UTRN: variants seen among roughly 807,000 people sequenced by gnomAD.
UTRN encodes the protein utrophin, also known as dystrophin-related protein 1.
A neutral mutation model predicts 463.9 loss-of-function variants in UTRN; 283 were observed. The observed-to-expected ratio is 0.61, with a 90% CI of 0.55 to 0.67. The LOEUF (loss-of-function observed/expected upper bound fraction) is 0.67, where lower values mean the gene tolerates loss of function less well. Among genes scored for constraint, UTRN ranks in the 30% least tolerant of loss-of-function variants. The pLI, the probability that UTRN is intolerant of heterozygous loss-of-function variation, is 0.00. For missense variants in UTRN, 3,922 were observed against 4,084.3 expected (o/e 0.96, Z 1.08); for synonymous variants, 1,442 against 1,431.5 (o/e 1.01, Z -0.17).
At chr6:144,550,865 A>C (rs1001085697) in intron 47 of UTRN, 100 bp from the exon 48 acceptor site, 4 of 991,982 alleles carry the variant, frequency 4.0e-6, no homozygotes, top group Non-Finnish European at 5.7e-6. Flanking sequence ...GCCATAGAGG[A>C]GGAAAACAAC....
Position 144,481,168 on chromosome 6 carries a change from A to T in UTRN, c.3508-1041A>T, listed in dbSNP as rs562719565. On this transcript the variant is annotated intron_variant, in intron 26 of 74. Coordinates refer to ENST00000367545, the MANE Select transcript of UTRN (RefSeq NM_007124.3). Reference sequence around the variant, plus strand: ...TTTATTCTTTCAAACAGCCATTAGGACTTACAAAACCACTACACTTAATTA... The same window carrying T: ...TTTATTCTTTCAAACAGCCATTAGGTCTTACAAAACCACTACACTTAATTA... 2.6e-5 allele frequency among the ~76,000 whole-genome samples: 4 copies of T among 152,336 alleles called. No individual in the cohort carries two copies. In the South Asian group the frequency reaches 8.3e-4, roughly 32 times the overall value.
chr6:144,618,494 T>C (rs901203048), intron 51 of UTRN, among the ~76,000 whole-genome samples: 2 of 152,160 alleles, frequency 1.3e-5, no homozygotes, highest in African/African-American at 4.8e-5. Flanking sequence ...GCTTATTTAT[T>C]AGGCATGCAC....
At chr6:144,375,459 TCTTTC>T (rs1259451806) in intron 2 of UTRN, among the ~76,000 whole-genome samples, 1 of 152,236 alleles carries the variant, frequency 6.6e-6, no homozygotes, top group Non-Finnish European at 1.5e-5. Context: ...TTTCTGGATT[TCTTTC>T]CTTAAGCTTA....
chr6:144,458,057 C>A (rs1284252702), intron 19 of UTRN, among the ~76,000 whole-genome samples: 1 of 152,166 alleles, frequency 6.6e-6, no homozygotes, highest in Non-Finnish European at 1.5e-5. Flanking sequence ...GGAACATTCT[C>A]TACTTTTCAA....
chr6:144,328,089 C>G (rs1182098402), intron 2 of UTRN, among the ~76,000 whole-genome samples: 1 of 152,016 alleles, frequency 6.6e-6, no homozygotes, highest in African/African-American at 2.4e-5. Flanking sequence ...CCCCACCTGT[C>G]TACTATCGCA....
At chr6:144,716,036 C>CT (rs1290403489) in intron 53 of UTRN, among the ~76,000 whole-genome samples, 1 of 152,046 alleles carries the variant, frequency 6.6e-6, no homozygotes, top group South Asian at 2.1e-4. Context: ...GAAATCATTT[C>CT]AGTTACATGA....
At position 144,531,218 on chromosome 6, in the gene UTRN, T is replaced by C. The variant is rs199820254; in HGVS notation, c.6057+16T>C. 2.8e-5 allele frequency: 45 copies of C among 1,613,090 alleles called. No homozygotes were observed. The highest frequency in any genetic ancestry group is 3.3e-4 in the Middle Eastern group (2 of 6,072). Reference sequence around the variant, plus strand: ...ACATCAGCAGGTGAGTGCTTTCTGTTAGAGGAGGGGGACTGCACATATGGT... The same window carrying C: ...ACATCAGCAGGTGAGTGCTTTCTGTCAGAGGAGGGGGACTGCACATATGGT... On this transcript the variant is annotated intron_variant, in intron 42 of 74. Coordinates refer to ENST00000367545, the MANE Select transcript of UTRN (RefSeq NM_007124.3).
At chr6:144,464,711 G>T (rs1170835203) in intron 23 of UTRN, among the ~76,000 whole-genome samples, 1 of 152,050 alleles carries the variant, frequency 6.6e-6, no homozygotes, top group Non-Finnish European at 1.5e-5. Flanking sequence ...TGTTGGCCAG[G>T]CTGGTCTCAA....
At chr6:144,714,337 ATGT>A (rs1183827485) in intron 53 of UTRN, among the ~76,000 whole-genome samples, 18 of 152,314 alleles carry the variant, frequency 1.2e-4, no homozygotes, top group African/African-American at 3.4e-4. Context: ...GATTTGTCTC[ATGT>A]TTGCATCATT....
At chr6:144,778,114 T>C (rs987196344) in intron 60 of UTRN, among the ~76,000 whole-genome samples, 1 of 152,136 alleles carries the variant, frequency 6.6e-6, no homozygotes, top group African/African-American at 2.4e-5. Flanking sequence ...CTTTAGGGAA[T>C]ATCTAAGAAA....
chr6:144,799,340 C>G, intron 64 of UTRN: 1 of 428,946 alleles, frequency 2.3e-6, no homozygotes, highest in Non-Finnish European at 4.9e-6. Context: ...GAGGGCCTTG[C>G]TGCTATGCAT....
chr6:144,754,650 CAA>C (rs1238564514), intron 56 of UTRN, 68 bp from the exon 57 acceptor site: 1 of 1,489,084 alleles, frequency 6.7e-7, no homozygotes, highest in Non-Finnish European at 9.2e-7. Flanking sequence ...GTCTTTAAAG[CAA>C]AAATATTATT....
chr6:144,725,208 C>G (rs992864903), intron 53 of UTRN, among the ~76,000 whole-genome samples: 1 of 152,218 alleles, frequency 6.6e-6, no homozygotes, highest in African/African-American at 2.4e-5. Flanking sequence ...AAGGAGAGTT[C>G]CCCAGCACAT....
chr6:144,455,517 A>G (rs1243300202), intron 19 of UTRN, among the ~76,000 whole-genome samples: 3 of 152,198 alleles, frequency 2.0e-5, no homozygotes, highest in African/African-American at 7.2e-5. Flanking sequence ...TGATGTGAAT[A>G]TGGGATAATT....
At chr6:144,502,301 G>A in intron 34 of UTRN, among the ~76,000 whole-genome samples, 1 of 150,686 alleles carries the variant, frequency 6.6e-6, no homozygotes. Flanking sequence ...GGATACATGT[G>A]CGGAACGTGC....
At chr6:144,491,913 C>T (rs769201170) in intron 32 of UTRN, among the ~76,000 whole-genome samples, 23 of 152,164 alleles carry the variant, frequency 1.5e-4, no homozygotes, top group Non-Finnish European at 3.1e-4. Flanking sequence ...TCAAGAGAAG[C>T]TGTTTAGAAT....
chr6:144,630,714 G>A (rs1234732046), intron 51 of UTRN, among the ~76,000 whole-genome samples: 1 of 152,160 alleles, frequency 6.6e-6, no homozygotes, highest in Non-Finnish European at 1.5e-5. Context: ...GAGCTGGAGA[G>A]TTTGTTATAT....
At position 144,557,200 on chromosome 6, in the gene UTRN, C is replaced by T. The variant is rs766462288; in HGVS notation, c.7178C>T (p.Ala2393Val). 1.7e-5 allele frequency: 27 copies of T among 1,613,714 alleles called. No individual in the cohort carries two copies. Among genetic ancestry groups the T allele is most frequent in the Non-Finnish European group, 1.9e-5 (23 of 1,179,852 alleles). Residue 2393 changes from alanine to valine, a missense_variant, in exon 50 of 75, where the codon GCG becomes GTG. Coordinates refer to ENST00000367545, the MANE Select transcript of UTRN (RefSeq NM_007124.3). ...ELGPGDGIVMAFDNVLQKLLE... is the reference protein window; with the variant it reads ...ELGPGDGIVMVFDNVLQKLLE... ...GGTCCTGGAGATGGTATCGTCATGG[C>T]GTTCGATAACGTCCTGCAGAAACTC... is the stretch of plus-strand genomic sequence containing the variant.
chr6:144,497,468 A>G (rs927496247), intron 33 of UTRN, among the ~76,000 whole-genome samples: 13 of 148,316 alleles, frequency 8.8e-5, no homozygotes, highest in African/African-American at 3.2e-4. Flanking sequence ...TGAGGTCAGG[A>G]GTTTGAGACC....
Sources: allele counts gnomAD v4.1 joint callset (sites outside exome capture counted in the v4.1 genomes callset), GRCh38; gene constraint gnomAD v4.1.1; transcripts MANE v1.5; gene names NCBI Gene and HGNC (gene_info 2026-07-23, HGNC 2026-07-21).